SPAG16: variants seen among roughly 807,000 people sequenced by gnomAD.
The protein encoded by SPAG16 is sperm-associated antigen 16 protein.
SPAG16 carries 86 observed loss-of-function variants against 80.4 expected under a neutral mutation model. That is an observed-to-expected ratio of 1.07 (90% confidence interval 0.90 to 1.28). The LOEUF (loss-of-function observed/expected upper bound fraction) is 1.28, where lower values mean the gene tolerates loss of function less well. SPAG16 is among the 50% of genes most tolerant of loss of function. The pLI, the probability that SPAG16 is intolerant of heterozygous loss-of-function variation, is 0.00. For missense variants in SPAG16, 870 were observed against 765.3 expected, an observed-to-expected ratio of 1.14 and a Z score of -1.61; for synonymous variants, 294 against 265.9, an observed-to-expected ratio of 1.11 and a Z score of -1.03.
Position 213,679,016 on chromosome 2 carries a change from C to T in SPAG16, c.1071-183469C>T, listed in dbSNP as rs2064243662. Among the ~76,000 whole-genome samples the T allele has an allele frequency of 2.0e-5, 3 of 152,126 alleles. No homozygotes were observed. In the South Asian group the frequency reaches 6.2e-4, roughly 31 times the overall value. ...TGTTGCTGCTTCCTTTTCTTGGTTCCTGGTTCCCACCTCTCAGGCATGCAC... is the reference window on the plus strand; with the variant it reads ...TGTTGCTGCTTCCTTTTCTTGGTTCTTGGTTCCCACCTCTCAGGCATGCAC... On this transcript the variant is annotated intron_variant, in intron 10 of 15. Coordinates refer to ENST00000331683, the MANE Select transcript of SPAG16 (RefSeq NM_024532.5).
intron 15 of SPAG16, among the ~76,000 whole-genome samples, chr2:214,385,961 G>T (rs933454482): frequency 1.3e-5 from 2 of 152,186 alleles, no homozygotes; most frequent in Admixed American, 6.5e-5. Flanking sequence ...TGAATTTGCT[G>T]GTTTCCATTT....
intron 10 of SPAG16, among the ~76,000 whole-genome samples, chr2:213,645,741 C>T (rs758814863): frequency 9.9e-5 from 15 of 152,090 alleles, no homozygotes; most frequent in Non-Finnish European, 2.1e-4. Flanking sequence ...CCAGCTCTCC[C>T]TTGGCTGTCC....
At chr2:213,994,168 G>A (rs76781516) in intron 12 of SPAG16, among the ~76,000 whole-genome samples, 4,831 of 152,082 alleles carry the variant, frequency 0.032, 243 homozygotes, top group African/African-American at 0.11. Flanking sequence ...AGTTTTCTTT[G>A]AAAGTATTAA....
intron 14 of SPAG16, among the ~76,000 whole-genome samples, chr2:214,145,391 G>T (rs1681657358): frequency 6.6e-6 from 1 of 152,072 alleles, no homozygotes; most frequent in Non-Finnish European, 1.5e-5. Context: ...TGCTACATTG[G>T]TTTTTTCATA....
intron 15 of SPAG16, among the ~76,000 whole-genome samples, chr2:214,254,218 A>G (rs1576605466): frequency 6.6e-6 from 1 of 152,156 alleles, no homozygotes; most frequent in African/African-American, 2.4e-5. Flanking sequence ...ATATACAATC[A>G]TGTCATCTGC....
chr2:213,928,930 C>T (rs1377600351), intron 11 of SPAG16, among the ~76,000 whole-genome samples: 1 of 150,460 alleles, frequency 6.6e-6, no homozygotes, highest in Non-Finnish European at 1.5e-5. Context: ...CACACACACA[C>T]ACACACACAC....
chr2:214,219,466 A>C (rs1018681657), intron 15 of SPAG16, among the ~76,000 whole-genome samples: 1 of 152,180 alleles, frequency 6.6e-6, no homozygotes, highest in African/African-American at 2.4e-5. Context: ...ATCATCTATG[A>C]AGGACTGAAT....
intron 9 of SPAG16, among the ~76,000 whole-genome samples, chr2:213,421,402 C>T (rs897479532): frequency 1.3e-5 from 2 of 152,342 alleles, no homozygotes; most frequent in East Asian, 3.9e-4. Context: ...CTGAGGGTGG[C>T]TCAGCTCAGG....
chr2:214,089,788 G>C (rs2052044167), intron 13 of SPAG16, among the ~76,000 whole-genome samples: 1 of 151,912 alleles, frequency 6.6e-6, no homozygotes, highest in South Asian at 2.1e-4. Context: ...TTCAAATTTA[G>C]AAGTCATCAC....
intron 10 of SPAG16, among the ~76,000 whole-genome samples, chr2:213,492,289 C>T (rs1269639846): frequency 6.6e-6 from 1 of 152,130 alleles, no homozygotes; most frequent in Non-Finnish European, 1.5e-5. Context: ...TGTGGTGGCT[C>T]ACGCCTGTAA....
At chr2:213,375,807 T>A (rs977595449) in intron 9 of SPAG16, among the ~76,000 whole-genome samples, 1 of 151,816 alleles carries the variant, frequency 6.6e-6, no homozygotes, top group African/African-American at 2.4e-5. Flanking sequence ...TATAATAGCT[T>A]CTTAGTAATT....
At chr2:213,685,215 C>T (rs2064604471) in intron 10 of SPAG16, among the ~76,000 whole-genome samples, 1 of 152,196 alleles carries the variant, frequency 6.6e-6, no homozygotes, top group African/African-American at 2.4e-5. Context: ...CAGAATGTGA[C>T]TTTATTTGGA....
intron 9 of SPAG16, among the ~76,000 whole-genome samples, chr2:213,489,300 T>C (rs748884846): frequency 3.9e-5 from 6 of 152,078 alleles, no homozygotes; most frequent in Non-Finnish European, 8.8e-5. Context: ...GCATGTCTTT[T>C]TTCCACTGAG....
At position 214,030,644 on chromosome 2, in the gene SPAG16, T is replaced by C. The variant is rs548423000; in HGVS notation, c.1527+16567T>C. 2.0e-5 allele frequency among the ~76,000 whole-genome samples: 3 copies of C among 152,334 alleles called. No homozygotes were observed. In the South Asian group the frequency reaches 6.2e-4, roughly 32 times the overall value. On this transcript the variant is annotated intron_variant, in intron 13 of 15. Coordinates refer to ENST00000331683, the MANE Select transcript of SPAG16 (RefSeq NM_024532.5). ...TCAAGTTAATTTAAGTCTATGAGTC[T>C]TTACTTAAATGGCTCTGTGTTCAGA...
At chr2:213,668,951 G>T (rs2063717601) in intron 10 of SPAG16, among the ~76,000 whole-genome samples, 1 of 152,088 alleles carries the variant, frequency 6.6e-6, no homozygotes, top group African/African-American at 2.4e-5. Flanking sequence ...CCCGGCCTGA[G>T]AAATATAATA....
In SPAG16 at chr2:213,699,700, T is replaced by A. The variant is rs555866144; in HGVS notation, c.1071-162785T>A. 3.0e-4 allele frequency among the ~76,000 whole-genome samples: 46 copies of A among 152,312 alleles called. No homozygotes were observed. In the South Asian group the frequency reaches 9.1e-3, roughly 30 times the overall value. On this transcript the variant is annotated intron_variant, in intron 10 of 15. Coordinates refer to ENST00000331683, the MANE Select transcript of SPAG16 (RefSeq NM_024532.5). ...GTTTCATACCAAAATAGCTTCCTTT[T>A]GTGTAAGTTATGTGACTATGCACAT...
intron 12 of SPAG16, among the ~76,000 whole-genome samples, chr2:214,011,797 G>A (rs116412212): frequency 0.015 from 2,338 of 152,208 alleles, 33 homozygotes; most frequent in Non-Finnish European, 0.025. Flanking sequence ...ATGAGAAAGG[G>A]AAGTGTTGCT....
At chr2:213,800,855 T>C (rs2071352557) in intron 10 of SPAG16, among the ~76,000 whole-genome samples, 1 of 152,180 alleles carries the variant, frequency 6.6e-6, no homozygotes, top group Admixed American at 6.5e-5. Flanking sequence ...GCCAATATTA[T>C]GCTATGCTTT....
intron 10 of SPAG16, among the ~76,000 whole-genome samples, chr2:213,858,642 C>T (rs1255252531): frequency 6.6e-6 from 1 of 151,996 alleles, no homozygotes; most frequent in Non-Finnish European, 1.5e-5. Flanking sequence ...CAAGGTATGC[C>T]TGTATTATAG....
Sources: gnomAD v4.1 joint callset for allele counts (sites outside exome capture counted in the v4.1 genomes callset) on GRCh38, gnomAD v4.1.1 for gene constraint, MANE v1.5 for transcripts, NCBI Gene and HGNC (gene_info 2026-07-23, HGNC 2026-07-21) for gene names.